The following ILRUN variants were observed in gnomAD, a reference collection of about 807,000 sequenced individuals.
ILRUN encodes the protein protein ILRUN.
In ILRUN, 3 loss-of-function variants were observed where a neutral mutation model predicts 33.8. That is an observed-to-expected ratio of 0.09 (90% confidence interval 0.04 to 0.23). The LOEUF (loss-of-function observed/expected upper bound fraction) is 0.23. Ranked by LOEUF, ILRUN falls within the 10% of genes least tolerant of loss-of-function variation. The pLI, the probability that ILRUN is intolerant of heterozygous loss-of-function variation, is 1.00. For synonymous variants in ILRUN, 124 were observed against 138.9 expected (o/e 0.89, Z 0.75); for missense variants, 210 against 375.1 (o/e 0.56, Z 3.64).
At position 34,615,151 on chromosome 6, in the gene ILRUN, C is replaced by T. The variant is rs185063924; in HGVS notation, c.512-8247G>A. Among the ~76,000 whole-genome samples, 6 of 152,212 alleles carry T rather than the reference C, an allele frequency of 3.9e-5. No homozygotes were observed. The East Asian group carries it at 1.2e-3, about 29-fold the overall frequency. On this transcript the variant is annotated intron_variant, in intron 3 of 4. Coordinates refer to ENST00000374023, the MANE Select transcript of ILRUN (RefSeq NM_024294.4). ...AATGTTGATGTCTTTAACAAGTGTA[C>T]TATGATAATGTAAGGTGATAACAAT...
chr6:34,657,095 A>C (rs1317280638), intron 1 of ILRUN, among the ~76,000 whole-genome samples: 1 of 152,270 alleles, frequency 6.6e-6, no homozygotes, highest in East Asian at 1.9e-4. Context: ...CTTAGGGATC[A>C]GGGAGAATAT....
At chr6:34,625,565 T>C (rs1240714990) in intron 3 of ILRUN, among the ~76,000 whole-genome samples, 1 of 152,118 alleles carries the variant, frequency 6.6e-6, no homozygotes, top group Admixed American at 6.6e-5. Context: ...GACCAGTGGG[T>C]GCTAATCTTC....
At chr6:34,621,331 C>A (rs1408452291) in intron 3 of ILRUN, among the ~76,000 whole-genome samples, 1 of 152,100 alleles carries the variant, frequency 6.6e-6, no homozygotes, top group Admixed American at 6.5e-5. Context: ...AGAATTCCAG[C>A]TAATAAAAGT....
chr6:34,609,985 C>T (rs557595544), intron 3 of ILRUN, among the ~76,000 whole-genome samples: 1,906 of 151,746 alleles, frequency 0.013, 18 homozygotes, highest in Middle Eastern at 0.024. Flanking sequence ...GGTGAAACCC[C>T]GTCTCTACTA....
intron 1 of ILRUN, among the ~76,000 whole-genome samples, chr6:34,668,503 A>G (rs1327340175): frequency 6.6e-6 from 1 of 152,208 alleles, no homozygotes; most frequent in African/African-American, 2.4e-5. Context: ...GACTGAGATG[A>G]TAACACCTAC....
intron 1 of ILRUN, among the ~76,000 whole-genome samples, chr6:34,687,709 ATAT>A (rs1447590389): frequency 1.5e-4 from 18 of 122,896 alleles, no homozygotes; most frequent in African/African-American, 5.8e-4. Flanking sequence ...AAAAAAAAAA[ATAT>A]ATATATATAT....
intron 4 of ILRUN, among the ~76,000 whole-genome samples, chr6:34,591,493 G>T (rs572848557): frequency 4.1e-5 from 6 of 147,832 alleles, no homozygotes; most frequent in African/African-American, 1.3e-4. Context: ...GCGAAATCCT[G>T]TCTCAATTTT....
chr6:34,635,409 T>A (rs1762339793), intron 3 of ILRUN, among the ~76,000 whole-genome samples: 1 of 151,910 alleles, frequency 6.6e-6, no homozygotes, highest in South Asian at 2.1e-4. Context: ...GTGCCTGTAA[T>A]CCCAGCTACT....
chr6:34,589,112 G>A lies in ILRUN; in HGVS notation c.*1453C>T, dbSNP rs72900436. 0.034 allele frequency: 5,189 copies of A among 153,280 alleles called. 128 individuals are homozygous for A. Among genetic ancestry groups the A allele is most frequent in the East Asian group, 0.1 (541 of 5,206 alleles). 9.5% of individuals were successfully genotyped at this position (153,280 alleles called of 1,614,324 possible). ...CTCTCAAACCAACTAAGACTTGAGG[G>A]AAGGAGGGGGGTAAGAGGGACTTTG... On this transcript the variant is annotated 3_prime_UTR_variant, in exon 5 of 5. Coordinates refer to ENST00000374023, the MANE Select transcript of ILRUN (RefSeq NM_024294.4).
intron 2 of ILRUN, among the ~76,000 whole-genome samples, chr6:34,651,949 T>C (rs1212330377): frequency 2.0e-5 from 3 of 151,954 alleles, no homozygotes; most frequent in Non-Finnish European, 4.4e-5. Flanking sequence ...TGCAACACCA[T>C]GCCCAGCTAA....
At chr6:34,639,186 A>T (rs1762421888) in intron 3 of ILRUN, among the ~76,000 whole-genome samples, 1 of 152,236 alleles carries the variant, frequency 6.6e-6, no homozygotes, top group Non-Finnish European at 1.5e-5. Flanking sequence ...TGGGACCTTC[A>T]TAAGGGGAGC....
rs1472682570 is a variant in ILRUN, at chr6:34,590,609, G to A, written c.862-9C>T. 1 of 1,585,328 alleles carries A rather than the reference G, an allele frequency of 6.3e-7. No individual in the cohort carries two copies. Among genetic ancestry groups the A allele is most frequent in the African/African-American group, 1.3e-5 (1 of 74,302 alleles). On this transcript the variant is annotated splice_polypyrimidine_tract_variant and intron_variant, in intron 4 of 4. Transcript: ENST00000374023. ...TAAGGCCCATGGAGCCCCTGGAAGA[G>A]AGTGAAGATAGTCAGTGATGGTACA...
At chr6:34,686,073 A>C (rs1393130806) in intron 1 of ILRUN, among the ~76,000 whole-genome samples, 1 of 152,334 alleles carries the variant, frequency 6.6e-6, no homozygotes, top group Non-Finnish European at 1.5e-5. Flanking sequence ...AAAAGAATTG[A>C]TATGGACCTC....
chr6:34,609,074 A>G (rs1287221404), intron 3 of ILRUN, among the ~76,000 whole-genome samples: 1 of 152,250 alleles, frequency 6.6e-6, no homozygotes, highest in Non-Finnish European at 1.5e-5. Flanking sequence ...TCAGTTAGCT[A>G]CCTAGAAATA....
chr6:34,614,337 G>A (rs1047616922), intron 3 of ILRUN, among the ~76,000 whole-genome samples: 7 of 151,308 alleles, frequency 4.6e-5, no homozygotes, highest in African/African-American at 1.7e-4. Context: ...CAGGAGAATG[G>A]CGTGAACCCA....
chr6:34,611,235 C>T lies in ILRUN; in HGVS notation c.512-4331G>A, dbSNP rs531112635. On this transcript the variant is annotated intron_variant, in intron 3 of 4. Transcript: ENST00000374023. Reference sequence around the variant, plus strand: ...GTATTGGGATTACAGGCATAAGCCACTGCACTGGCCAAAAATGTCCTTAGT... The same window carrying T: ...GTATTGGGATTACAGGCATAAGCCATTGCACTGGCCAAAAATGTCCTTAGT... Among the ~76,000 whole-genome samples, 26 of 152,036 alleles carry T rather than the reference C, an allele frequency of 1.7e-4. No homozygotes were observed. In the South Asian group the frequency reaches 5.4e-3, roughly 32 times the overall value.
chr6:34,685,814 T>C (rs1474029006), intron 1 of ILRUN, among the ~76,000 whole-genome samples: 3 of 152,156 alleles, frequency 2.0e-5, no homozygotes, highest in Non-Finnish European at 4.4e-5. Context: ...ACAGAGCTAA[T>C]GAGAGGCCAG....
chr6:34,657,224 G>T (rs1248797497), intron 1 of ILRUN, among the ~76,000 whole-genome samples: 2 of 152,194 alleles, frequency 1.3e-5, no homozygotes, highest in South Asian at 2.1e-4. Context: ...GTAGCCTGCT[G>T]AATTGTTTTC....
rs1388501723 is a variant in ILRUN at position 34,676,611 on chromosome 6, A to T, written c.158+19835T>A. 4.6e-5 allele frequency among the ~76,000 whole-genome samples: 7 copies of T among 151,746 alleles called. No individual in the cohort carries two copies. The East Asian group carries it at 1.4e-3, about 30-fold the overall frequency. ...TCGACCTCCTGGGCTCAAGTGATCC[A>T]ACTGCCTCAGCCTCCCAAGTAGCTG... On this transcript the variant is annotated intron_variant, in intron 1 of 4. Coordinates refer to ENST00000374023, the MANE Select transcript of ILRUN (RefSeq NM_024294.4).
Sources: gnomAD v4.1 joint callset for allele counts (sites outside exome capture counted in the v4.1 genomes callset) on GRCh38, gnomAD v4.1.1 for gene constraint, MANE v1.5 for transcripts, NCBI Gene and HGNC (gene_info 2026-07-23, HGNC 2026-07-21) for gene names.